Variants in C1orf105 observed in about 807,000 individuals in gnomAD.
C1orf105 encodes chromosome 1 open reading frame 105.
A neutral mutation model predicts 20.8 loss-of-function variants in C1orf105; 17 were observed. The observed-to-expected ratio is 0.82, with a 90% CI of 0.56 to 1.23. The LOEUF (loss-of-function observed/expected upper bound fraction) is 1.23, where lower values mean the gene tolerates loss of function less well. Among genes scored for constraint, C1orf105 ranks in the 50% most tolerant of loss-of-function variants. C1orf105 has a pLI of 0.00. For synonymous variants in C1orf105, 72 were observed against 72.1 expected (o/e 1.00, Z 0.01); for missense variants, 219 against 213.5 (o/e 1.03, Z -0.16).
intron 3 of C1orf105, among the ~76,000 whole-genome samples, chr1:172,451,926 G>C (rs1176883482): frequency 7.7e-6 from 1 of 130,584 alleles, no homozygotes; most frequent in African/African-American, 2.9e-5. Context: ...AGGCTGGAGT[G>C]CAATGGCACG....
intron 1 of C1orf105, among the ~76,000 whole-genome samples, chr1:172,424,374 G>T (rs543443080): frequency 6.6e-6 from 1 of 152,242 alleles, no homozygotes; most frequent in African/African-American, 2.4e-5. Flanking sequence ...GGCTTTTAGG[G>T]GTTATATTCC....
chr1:172,431,214 G>C, intron 1 of C1orf105: 1 of 435,446 alleles, frequency 2.3e-6, no homozygotes, highest in Non-Finnish European at 4.1e-6. Context: ...GCCGAGACAG[G>C]CTGAAAGCCA....
chr1:172,446,588 TC>T (rs1648027585), intron 2 of C1orf105, among the ~76,000 whole-genome samples: 1 of 152,204 alleles, frequency 6.6e-6, no homozygotes, highest in African/African-American at 2.4e-5. Flanking sequence ...TATCCCACCA[TC>T]CCATACTACC....
chr1:172,424,386 T>G (rs1558121883), intron 1 of C1orf105, among the ~76,000 whole-genome samples: 1 of 152,220 alleles, frequency 6.6e-6, no homozygotes, highest in African/African-American at 2.4e-5. Flanking sequence ...TTATATTCCC[T>G]TCTCTTTTTT....
At chr1:172,465,069 A>G (rs1036413058) in intron 5 of C1orf105, among the ~76,000 whole-genome samples, 36 of 151,874 alleles carry the variant, frequency 2.4e-4, no homozygotes, top group Non-Finnish European at 7.4e-5. Context: ...TGTAATCCCA[A>G]CTACTCAGGA....
At chr1:172,430,430 T>TG in intron 1 of C1orf105, 1 of 611,274 alleles carries the variant, frequency 1.6e-6, no homozygotes, top group Non-Finnish European at 2.9e-6. Flanking sequence ...TAATTTGCAA[T>TG]TTTTCTTAAA....
intron 4 of C1orf105, among the ~76,000 whole-genome samples, chr1:172,460,692 T>C (rs1649627759): frequency 6.6e-6 from 1 of 152,164 alleles, no homozygotes; most frequent in South Asian, 2.1e-4. Flanking sequence ...GACCTGTCTT[T>C]AAGGAGTCAA....
intron 1 of C1orf105, among the ~76,000 whole-genome samples, chr1:172,433,929 G>T (rs960670969): frequency 6.6e-6 from 1 of 151,638 alleles, no homozygotes; most frequent in Non-Finnish European, 1.5e-5. Flanking sequence ...CAAATGGAAA[G>T]CAAAAAAAAG....
At chr1:172,446,573 G>C (rs1355424011) in intron 2 of C1orf105, among the ~76,000 whole-genome samples, 1 of 152,180 alleles carries the variant, frequency 6.6e-6, no homozygotes, top group Non-Finnish European at 1.5e-5. Context: ...GATCTAATAG[G>C]GTAATATCCC....
At chr1:172,439,532 C>T (rs2072149059) in intron 1 of C1orf105, among the ~76,000 whole-genome samples, 1 of 152,222 alleles carries the variant, frequency 6.6e-6, no homozygotes, top group South Asian at 2.1e-4. Context: ...ACCACCTTCA[C>T]AATGAATTTC....
intron 1 of C1orf105, among the ~76,000 whole-genome samples, chr1:172,440,855 C>A (rs1573850985): frequency 6.6e-6 from 1 of 152,326 alleles, no homozygotes; most frequent in East Asian, 1.9e-4. Flanking sequence ...TTCTAAAGGT[C>A]TGAAGCTAGG....
chr1:172,464,140 A>C (rs1308531954), intron 5 of C1orf105, among the ~76,000 whole-genome samples: 1 of 152,228 alleles, frequency 6.6e-6, no homozygotes, highest in Non-Finnish European at 1.5e-5. Flanking sequence ...GAATGAAGGA[A>C]AAAAGGAAGA....
chr1:172,435,099 T>A (rs1352421499), intron 1 of C1orf105, among the ~76,000 whole-genome samples: 2 of 152,168 alleles, frequency 1.3e-5, no homozygotes, highest in Non-Finnish European at 2.9e-5. Context: ...ATTGAAGAAA[T>A]AATTAATAGC....
chr1:172,430,207 A>G (rs201534664), intron 1 of C1orf105: 1 of 373,530 alleles, frequency 2.7e-6, no homozygotes, highest in Admixed American at 4.5e-5. Context: ...GTTTAAATAT[A>G]AGAGACTGAC....
intron 3 of C1orf105, among the ~76,000 whole-genome samples, chr1:172,450,886 A>G (rs1448102264): frequency 1.3e-5 from 2 of 152,196 alleles, no homozygotes; most frequent in African/African-American, 4.8e-5. Flanking sequence ...CACAAGACAA[A>G]AGGAGAGGCA....
chr1:172,428,715 A>G, intron 1 of C1orf105: 1 of 637,506 alleles, frequency 1.6e-6, no homozygotes, highest in Admixed American at 2.8e-5. Context: ...ACTACCTTCC[A>G]TTTATGTTTA....
chr1:172,430,969 T>TAA (rs1397252016), intron 1 of C1orf105: 2 of 459,098 alleles, frequency 4.4e-6, no homozygotes, highest in Non-Finnish European at 7.7e-6. Flanking sequence ...TATACCCATA[T>TAA]AAGAGGGCAA....
chr1:172,467,955 A>G (rs1276854444), intron 6 of C1orf105, among the ~76,000 whole-genome samples: 1 of 152,216 alleles, frequency 6.6e-6, no homozygotes, highest in Non-Finnish European at 1.5e-5. Context: ...TTTCTTTTGA[A>G]ACAAAAGTAC....
chr1:172,448,532 G>A lies in C1orf105; in HGVS notation c.198+1G>A. 2 of 1,592,574 alleles carry A rather than the reference G, an allele frequency of 1.3e-6. No homozygotes were observed. Among genetic ancestry groups the A allele is most frequent in the Non-Finnish European group, 1.7e-6 (2 of 1,161,708 alleles). On this transcript the variant is annotated splice_donor_variant, in intron 3 of 6. Transcript: ENST00000367727. LOFTEE classifies it high-confidence loss of function. ...TCAAGTTCCAGATGTTTTATCTAAG[G>A]TACTAAAAAATTTTTGTTGAAATGA... is the stretch of plus-strand genomic sequence containing the variant.
Sources: gnomAD v4.1 joint callset for allele counts (sites outside exome capture counted in the v4.1 genomes callset) on GRCh38, gnomAD v4.1.1 for gene constraint, MANE v1.5 for transcripts, NCBI Gene and HGNC (gene_info 2026-07-23, HGNC 2026-07-21) for gene names.